The following SLC18A1 variants were observed in gnomAD, a reference collection of about 807,000 sequenced individuals.
SLC18A1 encodes the protein solute carrier family 18 member A1.
Under a neutral mutation model 53.7 loss-of-function variants are expected in SLC18A1, and 69 were observed. That is an observed-to-expected ratio of 1.28 (90% CI 1.06 to 1.57). The LOEUF (loss-of-function observed/expected upper bound fraction) is 1.57, where lower values mean the gene tolerates loss of function less well. SLC18A1 is among the 40% of genes most tolerant of loss of function. The probability of loss-of-function intolerance (pLI) is 0.00; values close to 1 mark genes in which losing one functional copy is unlikely to be tolerated. For synonymous variants in SLC18A1, 320 were observed against 248.1 expected (o/e 1.29, Z -2.72); for missense variants, 932 against 668.1 (o/e 1.40, Z -4.35).
At position 20,174,341 on chromosome 8, in the gene SLC18A1, T is replaced by C; in HGVS notation, c.631+20A>G. On this transcript the variant is annotated intron_variant, in intron 5 of 15. Coordinates refer to ENST00000276373, the MANE Select transcript of SLC18A1 (RefSeq NM_003053.4). ...GTGCATGCCTGCATGTGTGTGTGCATGATGAGTTGCCAGTGTTACCTGCAA... is the reference window on the plus strand; with the variant it reads ...GTGCATGCCTGCATGTGTGTGTGCACGATGAGTTGCCAGTGTTACCTGCAA... 2 of 1,569,646 alleles carry C rather than the reference T, an allele frequency of 1.3e-6. No homozygotes were observed. Among genetic ancestry groups the C allele is most frequent in the Non-Finnish European group, 1.8e-6 (2 of 1,139,542 alleles).
Position 20,173,156 on chromosome 8 carries a change from GC to G in SLC18A1, c.632-29del. The G allele has an allele frequency of 2.6e-6, 4 of 1,528,972 alleles. No homozygotes were observed. In the South Asian group the frequency reaches 3.6e-5, roughly 14 times the overall value. 94.7% of individuals were successfully genotyped at this position (1,528,972 alleles called of 1,614,324 possible). On this transcript the variant is annotated intron_variant, in intron 5 of 15. Coordinates refer to ENST00000276373, the MANE Select transcript of SLC18A1 (RefSeq NM_003053.4). ...GCGCAGAGAGTTACAGATGCAGCTG[GC>G]CCCCTGGGGGGCTTCTATCCGCCTC...
intron 1 of SLC18A1, chr8:20,181,960 A>G (rs2072439846): frequency 6.6e-6 from 1 of 152,236 alleles, no homozygotes. Flanking sequence ...CATCTGTGAA[A>G]ATAAAATATT....
intron 2 of SLC18A1, among the ~76,000 whole-genome samples, chr8:20,180,074 G>A (rs1460038586): frequency 1.3e-5 from 2 of 150,668 alleles, no homozygotes; most frequent in Non-Finnish European, 2.9e-5. Flanking sequence ...AAGAAAACAC[G>A]ATGTACCACG....
In SLC18A1 at chr8:20,180,969, A is replaced by G; in HGVS notation, c.-5T>C. On this transcript the variant is annotated 5_prime_UTR_variant, in exon 2 of 16. Coordinates refer to ENST00000276373, the MANE Select transcript of SLC18A1 (RefSeq NM_003053.4). ...ATCCAGAATGGTCCGGAGCATGGTG[A>G]TGGCCGGACTGGGGCAGTCTTCCCC... The G allele has an allele frequency of 1.3e-6, 2 of 1,562,362 alleles. No homozygotes were observed. Among genetic ancestry groups the G allele is most frequent in the Non-Finnish European group, 1.7e-6 (2 of 1,154,502 alleles).
Position 20,179,265 on chromosome 8 carries a change from G to A in SLC18A1, c.344C>T (p.Thr115Ile). ...DTASTIPPPATEAISAHKNNC... is the reference protein window; with the variant it reads ...DTASTIPPPAIEAISAHKNNC... ...GTTTTTATGAGCTGAGATGGCTTCA[G>A]TGGCTGGAGGTGGGATGGTGCTGGC... The change falls in exon 3 of 16, where the codon ACT becomes ATT. Residue 115 changes from threonine to isoleucine, a missense_variant. Physicochemically the swap from Thr to Ile is moderately conservative, Grantham distance 89. Transcript: ENST00000276373. 1 of 1,614,202 alleles carries A rather than the reference G, an allele frequency of 6.2e-7. No individual in the cohort carries two copies. The highest frequency in any genetic ancestry group is 8.5e-7 in the Non-Finnish European group (1 of 1,180,044).
intron 10 of SLC18A1, among the ~76,000 whole-genome samples, chr8:20,155,424 A>G (rs777263178): frequency 2.0e-5 from 3 of 152,074 alleles, no homozygotes; most frequent in Non-Finnish European, 4.4e-5. Context: ...CAATCCTTCT[A>G]GGATGGGAGC....
At chr8:20,158,309 C>A (rs1250135219) in intron 10 of SLC18A1, among the ~76,000 whole-genome samples, 1 of 152,196 alleles carries the variant, frequency 6.6e-6, no homozygotes, top group African/African-American at 2.4e-5. Context: ...GACTGGAGAA[C>A]TTTGCTCTTT....
chr8:20,150,661 C>A lies in SLC18A1; in HGVS notation c.1094+5G>T. 1 of 1,613,618 alleles carries A rather than the reference C, an allele frequency of 6.2e-7. No homozygotes were observed. Among genetic ancestry groups the A allele is most frequent in the East Asian group, 2.2e-5 (1 of 44,872 alleles). On this transcript the variant is annotated splice_donor_5th_base_variant and intron_variant, in intron 11 of 15. Transcript: ENST00000276373. ...CTGTTCGTCCCAGATCCCGAGGCTACATACCGACCCATCTTGTTGGCCAAC... is the reference window on the plus strand; with the variant it reads ...CTGTTCGTCCCAGATCCCGAGGCTAAATACCGACCCATCTTGTTGGCCAAC...
chr8:20,171,453 TC>T lies in SLC18A1; in HGVS notation c.765del (p.Lys256SerfsTer72). 1 of 1,614,106 alleles carries T rather than the reference TC, an allele frequency of 6.2e-7. No homozygotes were observed. Among genetic ancestry groups the T allele is most frequent in the Non-Finnish European group, 8.5e-7 (1 of 1,180,004 alleles). On this transcript the variant is annotated frameshift_variant, in exon 7 of 16. Transcript: ENST00000276373. LOFTEE classifies it high-confidence loss of function. ...PFGSVMYEFV[G>X]KSAPFLILAF... ...GCCAGGATGAGGAAGGGTGCAGACT[TC>T]CCAACAAACTCGTACATTACACTTC...
chr8:20,162,410 G>T (rs757317481), intron 10 of SLC18A1, among the ~76,000 whole-genome samples: 1 of 152,126 alleles, frequency 6.6e-6, no homozygotes, highest in African/African-American at 2.4e-5. Flanking sequence ...CCAAGGCCAG[G>T]CAGCAAATTT....
At chr8:20,170,388 C>G (rs540202290) in intron 8 of SLC18A1, among the ~76,000 whole-genome samples, 1 of 152,232 alleles carries the variant, frequency 6.6e-6, no homozygotes, top group East Asian at 1.9e-4. Context: ...GCTCCTGGTG[C>G]GTGAAAAGCC....
At chr8:20,168,545 G>T (rs922163250) in intron 8 of SLC18A1, among the ~76,000 whole-genome samples, 3 of 151,966 alleles carry the variant, frequency 2.0e-5, no homozygotes, top group Admixed American at 2.0e-4. Context: ...TACATATAAA[G>T]AGAGTAAGAA....
At chr8:20,178,389 C>T (rs2128880093) in intron 4 of SLC18A1, 46 bp downstream of exon 4, 1 of 1,483,740 alleles carries the variant, frequency 6.7e-7, no homozygotes, top group Non-Finnish European at 9.3e-7. Context: ...TTGATAAAAT[C>T]AAAGGTAATC....
chr8:20,172,804 G>A (rs1019781484), intron 6 of SLC18A1, among the ~76,000 whole-genome samples: 2 of 152,224 alleles, frequency 1.3e-5, no homozygotes, highest in Non-Finnish European at 2.9e-5. Flanking sequence ...CTAAATCGGG[G>A]AGGCTCACTT....
At chr8:20,165,152 C>T (rs2071925811) in intron 8 of SLC18A1, 45 bp from the exon 9 acceptor site, 1 of 1,490,032 alleles carries the variant, frequency 6.7e-7, no homozygotes, top group African/African-American at 1.4e-5. Context: ...ACAGTGCATA[C>T]ATCTCTCCTA....
rs1163556965 is a variant in SLC18A1, at chr8:20,173,137, A to T, written c.632-9T>A. The T allele has an allele frequency of 6.4e-7, 1 of 1,560,450 alleles. No homozygotes were observed. Among genetic ancestry groups the T allele is most frequent in the Admixed American group, 1.9e-5 (1 of 52,186 alleles). On this transcript the variant is annotated splice_polypyrimidine_tract_variant and intron_variant, in intron 5 of 15. Transcript: ENST00000276373. The stretch of plus-strand genomic sequence containing the variant: ...GGCCAGCATTCCAAGACCTGCGCAG[A>T]GAGTTACAGATGCAGCTGGCCCCCT...
intron 4 of SLC18A1, among the ~76,000 whole-genome samples, chr8:20,177,887 G>A (rs2072289551): frequency 6.6e-6 from 1 of 152,022 alleles, no homozygotes; most frequent in Non-Finnish European, 1.5e-5. Flanking sequence ...GCTGATCCTG[G>A]ATAGAGTATT....
chr8:20,173,079 T>C lies in SLC18A1; in HGVS notation c.681A>G (p.Arg227=). The change falls in exon 6 of 16, where the codon CGA becomes CGG. Residue 227 remains arginine (R), a synonymous_variant. Coordinates refer to ENST00000276373, the MANE Select transcript of SLC18A1 (RefSeq NM_003053.4). ...SVYTDDHERG[R]AMGTALGGLA... ...GGCCCCCCAGAGCAGTTCCCATGGC[T>C]CGTCCTCTCTCATGGTCATCAGTGT... The C allele has an allele frequency of 6.3e-7, 1 of 1,585,104 alleles. No individual in the cohort carries two copies.
chr8:20,169,869 A>C (rs1475689515), intron 8 of SLC18A1, among the ~76,000 whole-genome samples: 30 of 152,008 alleles, frequency 2.0e-4, no homozygotes, highest in Non-Finnish European at 1.3e-4. Context: ...ACAGAGCAAG[A>C]CTCCGTCTCA....
Sources: allele counts gnomAD v4.1 joint callset (sites outside exome capture counted in the v4.1 genomes callset), GRCh38; gene constraint gnomAD v4.1.1; transcripts MANE v1.5; gene names NCBI Gene and HGNC (gene_info 2026-07-23, HGNC 2026-07-21).